Variants in HTR2A observed in about 807,000 individuals in gnomAD.
HTR2A encodes 5-hydroxytryptamine receptor 2A.
Under a neutral mutation model 31.0 loss-of-function variants are expected in HTR2A, and 14 were observed. That is an observed-to-expected ratio of 0.45 (90% CI 0.30 to 0.71). The LOEUF is 0.71. HTR2A is among the 30% of genes least tolerant of loss of function. The probability of loss-of-function intolerance (pLI) is 0.09; values close to 1 mark genes in which losing one functional copy is unlikely to be tolerated. For synonymous variants in HTR2A, 209 were observed against 225.2 expected (o/e 0.93, Z 0.64); for missense variants, 442 against 573.3 (o/e 0.77, Z 2.34).
intron 3 of HTR2A, among the ~76,000 whole-genome samples, chr13:46,839,583 T>G (rs898512905): frequency 1.3e-5 from 2 of 152,178 alleles, no homozygotes; most frequent in African/African-American, 4.8e-5. Flanking sequence ...GCATTTTCCT[T>G]TATGAACAAA....
chr13:46,841,398 T>C (rs1178388188), intron 3 of HTR2A, among the ~76,000 whole-genome samples: 2 of 152,128 alleles, frequency 1.3e-5, no homozygotes, highest in Admixed American at 6.5e-5. Context: ...AGAAAAATAG[T>C]TCAAAAATAA....
rs1169063171 is a variant in HTR2A at position 46,885,575 on chromosome 13, T to TAAA, written c.613+6812_613+6814dup. 1.7e-4 allele frequency among the ~76,000 whole-genome samples: 26 copies of TAAA among 152,348 alleles called. 2 individuals carry two copies. The East Asian group carries it at 5.0e-3, about 29-fold the overall frequency. ...TTTCTTTCTGAAGAAATTGCTGCATTAAAAATCATTACATGTGCTTTTGTT... is the reference window on the plus strand; with the variant it reads ...TTTCTTTCTGAAGAAATTGCTGCATTAAAAAAAATCATTACATGTGCTTTTGTT... On this transcript the variant is annotated intron_variant, in intron 3 of 3. Transcript: ENST00000542664.
chr13:46,890,527 T>C (rs780472379), intron 3 of HTR2A, among the ~76,000 whole-genome samples: 1 of 152,188 alleles, frequency 6.6e-6, no homozygotes, highest in Non-Finnish European at 1.5e-5. Flanking sequence ...ATAAGTGATA[T>C]CATCCTGTGC....
chr13:46,842,534 C>A (rs892011168), intron 3 of HTR2A, among the ~76,000 whole-genome samples: 1 of 152,134 alleles, frequency 6.6e-6, no homozygotes, highest in African/African-American at 2.4e-5. Context: ...TCTCTTTCCT[C>A]CAGCCTCGCT....
intron 3 of HTR2A, among the ~76,000 whole-genome samples, chr13:46,847,785 T>C (rs1185420549): frequency 1.3e-5 from 2 of 152,208 alleles, no homozygotes; most frequent in African/African-American, 2.4e-5. Context: ...GCAGGATCTT[T>C]CTTAGTTTGG....
chr13:46,846,127 T>G (rs1206379213), intron 3 of HTR2A, among the ~76,000 whole-genome samples: 1 of 152,150 alleles, frequency 6.6e-6, no homozygotes, highest in Non-Finnish European at 1.5e-5. Context: ...TAGTTTGCAA[T>G]GAGAAAACCC....
rs529957582 is a variant in HTR2A at position 46,860,137 on chromosome 13, T to C, written c.614-24498A>G. Among the ~76,000 whole-genome samples, 4 of 152,332 alleles carry C rather than the reference T, an allele frequency of 2.6e-5. No individual in the cohort carries two copies. In the South Asian group the frequency reaches 8.3e-4, roughly 32 times the overall value. ...CCTCAACCCACAACTTAAGGCCTAA[T>C]ACCTGGCCCAGTGTGCCCTAGTTCT... On this transcript the variant is annotated intron_variant, in intron 3 of 3. Transcript: ENST00000542664.
chr13:46,852,079 C>T (rs1950688824), intron 3 of HTR2A: 1 of 152,184 alleles, frequency 6.6e-6, no homozygotes. Flanking sequence ...AGGAAAAGGA[C>T]CGTGGGCCAA....
chr13:46,850,633 TC>T (rs1378355786), intron 3 of HTR2A, among the ~76,000 whole-genome samples: 1 of 152,194 alleles, frequency 6.6e-6, no homozygotes, highest in Non-Finnish European at 1.5e-5. Context: ...GGCTCTTAGA[TC>T]CGGAGCCTGG....
At position 46,832,499 on chromosome 13, in the gene HTR2A, T is replaced by C. The variant is rs1876281561; in HGVS notation, c.*2338A>G. On this transcript the variant is annotated 3_prime_UTR_variant, in exon 4 of 4. Coordinates refer to ENST00000542664, the MANE Select transcript of HTR2A (RefSeq NM_000621.5). Reference sequence around the variant, plus strand: ...TATCAGGCAACATTAATGTACATTCTGATCAAGATTGAGTATATGGGGGTA... The same window carrying C: ...TATCAGGCAACATTAATGTACATTCCGATCAAGATTGAGTATATGGGGGTA... The C allele has an allele frequency of 6.6e-6, 1 of 152,204 alleles. No individual in the cohort carries two copies. Among genetic ancestry groups the C allele is most frequent in the Non-Finnish European group, 1.5e-5 (1 of 68,002 alleles). 9.4% of individuals were successfully genotyped at this position (152,204 alleles called of 1,614,324 possible).
intron 3 of HTR2A, among the ~76,000 whole-genome samples, chr13:46,890,621 A>T (rs1951045533): frequency 6.6e-6 from 1 of 152,182 alleles, no homozygotes; most frequent in Non-Finnish European, 1.5e-5. Flanking sequence ...CTGTTACCTT[A>T]CTACTGGTGT....
At chr13:46,875,321 T>C (rs1240622382) in intron 3 of HTR2A, among the ~76,000 whole-genome samples, 2 of 152,172 alleles carry the variant, frequency 1.3e-5, no homozygotes, top group Non-Finnish European at 2.9e-5. Context: ...GAAAAATCAA[T>C]TCCCATTTTT....
intron 3 of HTR2A, among the ~76,000 whole-genome samples, chr13:46,879,300 GT>G (rs760567165): frequency 2.0e-5 from 3 of 152,206 alleles, no homozygotes; most frequent in Non-Finnish European, 4.4e-5. Flanking sequence ...TTTCTTTCAT[GT>G]TGAGAATGTA....
chr13:46,863,650 G>A (rs55788412), intron 3 of HTR2A, among the ~76,000 whole-genome samples: 2,565 of 48,522 alleles, frequency 0.053, 31 homozygotes, highest in South Asian at 0.091. Flanking sequence ...AAAAAAAAAA[G>A]AAAAAAAAAA....
In HTR2A at chr13:46,892,273, AC is replaced by A; in HGVS notation, c.613+116del. 5 of 961,680 alleles carry A rather than the reference AC, an allele frequency of 5.2e-6. 1 individual carries two copies. The South Asian group carries it at 7.2e-5, about 14-fold the overall frequency. The allele number at this position is 961,680 out of a possible 1,614,324, so 59.6% of individuals were successfully genotyped here. A position where few individuals can be genotyped will look rare whatever the true frequency, so the allele number is the denominator to read the frequency against. On this transcript the variant is annotated intron_variant, in intron 3 of 3. Coordinates refer to ENST00000542664, the MANE Select transcript of HTR2A (RefSeq NM_000621.5). Reference sequence around the variant, plus strand: ...ATTATGATGTTGTAACATATCTTGCACCACCCAAAACAGTAGATTGAGGATG... The same window carrying A: ...ATTATGATGTTGTAACATATCTTGCACACCCAAAACAGTAGATTGAGGATG...
chr13:46,884,827 C>CATATAT (rs71077931), intron 3 of HTR2A, among the ~76,000 whole-genome samples: 14 of 151,124 alleles, frequency 9.3e-5, no homozygotes, highest in African/African-American at 3.4e-4. Context: ...TGTATGTATA[C>CATATAT]ATATATATAT....
At chr13:46,886,444 A>G (rs1951006804) in intron 3 of HTR2A, among the ~76,000 whole-genome samples, 1 of 152,174 alleles carries the variant, frequency 6.6e-6, no homozygotes. Context: ...TCAAATTTCA[A>G]TATTAAAAAG....
chr13:46,868,490 G>A (rs963539932), intron 3 of HTR2A, among the ~76,000 whole-genome samples: 1 of 152,144 alleles, frequency 6.6e-6, no homozygotes, highest in Non-Finnish European at 1.5e-5. Context: ...TATTACTTGT[G>A]TCTAATATTT....
intron 3 of HTR2A, among the ~76,000 whole-genome samples, chr13:46,866,974 C>T (rs750080829): frequency 5.9e-5 from 9 of 152,090 alleles, no homozygotes; most frequent in Non-Finnish European, 8.8e-5. Flanking sequence ...TGCAGTGAGT[C>T]GAGATTGCGC....
Sources: gnomAD v4.1 joint callset for allele counts (sites outside exome capture counted in the v4.1 genomes callset) on GRCh38, gnomAD v4.1.1 for gene constraint, MANE v1.5 for transcripts, NCBI Gene and HGNC (gene_info 2026-07-23, HGNC 2026-07-21) for gene names.